The following PPP2R1A variants were observed in gnomAD, a reference collection of about 807,000 sequenced individuals.
PPP2R1A encodes the protein serine/threonine-protein phosphatase 2A 65 kDa regulatory subunit A alpha isoform.
A neutral mutation model predicts 67.1 loss-of-function variants in PPP2R1A; 15 were observed. The observed-to-expected ratio is 0.22, with a 90% CI of 0.15 to 0.34. The LOEUF (loss-of-function observed/expected upper bound fraction) is 0.34. Among genes scored for constraint, PPP2R1A ranks in the 10% least tolerant of loss-of-function variants. The pLI, the probability that PPP2R1A is intolerant of heterozygous loss-of-function variation, is 1.00. For synonymous variants in PPP2R1A, 337 were observed against 325.0 expected, an observed-to-expected ratio of 1.04 and a Z score of -0.40; for missense variants, 369 against 775.0, an observed-to-expected ratio of 0.48 and a Z score of 6.22.
In PPP2R1A at chr19:52,219,648, G is replaced by A. The variant is rs770681244; in HGVS notation, c.1129-43G>A. ...TCTTTCCATCCTGTCCTGGGTTGCT[G>A]TGTGCATTGCATTCTCTCAGAATCC... On this transcript the variant is annotated intron_variant, in intron 9 of 14. Transcript: ENST00000322088. The surrounding 1 kb of genome is among the most constrained non-coding windows in gnomAD (Gnocchi z 4.0). The A allele has an allele frequency of 1.9e-6, 3 of 1,562,572 alleles. No homozygotes were observed. The East Asian group carries it at 6.8e-5, about 35-fold the overall frequency.
intron 2 of PPP2R1A, among the ~76,000 whole-genome samples, chr19:52,204,017 C>T (rs947005550): frequency 6.6e-6 from 1 of 152,174 alleles, no homozygotes; most frequent in Non-Finnish European, 1.5e-5. Flanking sequence ...TGTGTTTCAC[C>T]ATCTGGAAGC....
At position 52,226,956 on chromosome 19, in the gene PPP2R1A, G is replaced by A. The variant is rs1192903882; in HGVS notation, c.*975G>A. On this transcript the variant is annotated 3_prime_UTR_variant, in exon 15 of 15. Transcript: ENST00000322088. ...GGCCATTTCCTGTGTTCTTGAAGAA[G>A]ACTTGGGCTTGGACCCTGTCCCCAG... is the stretch of plus-strand genomic sequence containing the variant. The A allele has an allele frequency of 6.6e-6, 1 of 152,198 alleles. No homozygotes were observed. The highest frequency in any genetic ancestry group is 2.1e-4 in the South Asian group (1 of 4,820). The allele number at this position is 152,198 out of a possible 1,614,324, so 9.4% of individuals were successfully genotyped here.
chr19:52,194,077 G>T (rs1464061668), intron 1 of PPP2R1A, among the ~76,000 whole-genome samples: 1 of 99,494 alleles, frequency 1.0e-5, no homozygotes, highest in Non-Finnish European at 1.9e-5. Context: ...GCGACAGCAA[G>T]ACCCTGTCTC....
intron 3 of PPP2R1A, among the ~76,000 whole-genome samples, chr19:52,208,778 C>T (rs1227427310): frequency 2.0e-5 from 3 of 152,088 alleles, no homozygotes; most frequent in African/African-American, 7.2e-5. Context: ...GGATTACAGG[C>T]GTGAGCCACC....
chr19:52,205,606 T>C (rs1422533720), intron 2 of PPP2R1A, among the ~76,000 whole-genome samples: 1 of 152,222 alleles, frequency 6.6e-6, no homozygotes. Flanking sequence ...TCGTTGACCA[T>C]GCTCTGCGCT....
rs1435270311 is a variant in PPP2R1A, at chr19:52,206,039, C to A, written c.246C>A (p.Gly82=). The change falls in exon 3 of 15, where the codon GGC becomes GGA. Residue 82 remains glycine, a synonymous_variant. Transcript: ENST00000322088. The stretch of plus-strand genomic sequence containing the variant: ...GAACCTTCACTACCCTGGTGGGAGG[C>A]CCAGAGTACGTGCACTGCCTGCTGG... ...QLGTFTTLVG[G]PEYVHCLLPP... is the part of the protein sequence containing the mutation. The A allele has an allele frequency of 6.2e-7, 1 of 1,614,136 alleles. No homozygotes were observed. Among genetic ancestry groups the A allele is most frequent in the South Asian group, 1.1e-5 (1 of 91,086 alleles).
chr19:52,225,892 G>T (rs1197740909), intron 14 of PPP2R1A, 73 bp from the exon 15 acceptor site: 1 of 1,613,140 alleles, frequency 6.2e-7, no homozygotes, highest in Admixed American at 1.7e-5. Flanking sequence ...GCTTCTGGGA[G>T]GGGGAGGTAC....
At chr19:52,199,657 G>A (rs1043854241) in intron 1 of PPP2R1A, among the ~76,000 whole-genome samples, 13 of 152,130 alleles carry the variant, frequency 8.5e-5, no homozygotes, top group African/African-American at 2.4e-4. Flanking sequence ...TCAGTGCCAC[G>A]CAAGCAGAGT....
chr19:52,214,391 A>G (rs953966886), intron 6 of PPP2R1A, among the ~76,000 whole-genome samples: 16 of 152,136 alleles, frequency 1.1e-4, no homozygotes, highest in African/African-American at 3.4e-4. Context: ...GCGTACCATC[A>G]CCACAGTTAG....
chr19:52,217,849 G>T lies in PPP2R1A; in HGVS notation c.1128+1186G>T, dbSNP rs145025341. Among the ~76,000 whole-genome samples, 4 of 152,198 alleles carry T rather than the reference G, an allele frequency of 2.6e-5. No homozygotes were observed. In the East Asian group the frequency reaches 7.8e-4, roughly 30 times the overall value. On this transcript the variant is annotated intron_variant, in intron 9 of 14. Coordinates refer to ENST00000322088, the MANE Select transcript of PPP2R1A (RefSeq NM_014225.6). ...GGTGATGACTGGAGAGATCATCAGGGTGACCACTGGGGAAGGAGTTTGGAC... is the reference window on the plus strand; with the variant it reads ...GGTGATGACTGGAGAGATCATCAGGTTGACCACTGGGGAAGGAGTTTGGAC...
chr19:52,225,840 G>T, intron 14 of PPP2R1A, 32 bp downstream of exon 14: 1 of 1,612,504 alleles, frequency 6.2e-7, no homozygotes, highest in Non-Finnish European at 8.5e-7. Context: ...GCCCTAGCAG[G>T]AGGGTGGACT....
At chr19:52,225,872 G>A in intron 14 of PPP2R1A, 64 bp downstream of exon 14, 2 of 1,612,662 alleles carry the variant, frequency 1.2e-6, no homozygotes, top group East Asian at 2.2e-5. Context: ...CACTGGGCCT[G>A]TGGGCAGCAG....
chr19:52,206,106 C>T lies in PPP2R1A; in HGVS notation c.270+43C>T, dbSNP rs79903639. Reference sequence around the variant, plus strand: ...AGTCCTCTTGCCCACCCCTTAGGGTCGGCCCATGGTCCTGCCGGCCTAGGG... The same window carrying T: ...AGTCCTCTTGCCCACCCCTTAGGGTTGGCCCATGGTCCTGCCGGCCTAGGG... On this transcript the variant is annotated intron_variant, in intron 3 of 14. Coordinates refer to ENST00000322088, the MANE Select transcript of PPP2R1A (RefSeq NM_014225.6). The T allele has an allele frequency of 2.7e-3, 4,218 of 1,559,738 alleles. 104 individuals carry two copies. The African/African-American group carries it at 0.05, about 18-fold the overall frequency.
chr19:52,192,112 C>T (rs1208321247), intron 1 of PPP2R1A, among the ~76,000 whole-genome samples: 2 of 151,884 alleles, frequency 1.3e-5, no homozygotes, highest in African/African-American at 2.4e-5. Context: ...CAGGGGAGGC[C>T]TTGTTGAGAT....
intron 1 of PPP2R1A, among the ~76,000 whole-genome samples, chr19:52,190,658 C>G (rs1047230599): frequency 6.6e-6 from 1 of 152,176 alleles, no homozygotes; most frequent in Non-Finnish European, 1.5e-5. Flanking sequence ...GCCTGCCATC[C>G]TAATTCCTGC....
In PPP2R1A at chr19:52,213,629, C is replaced by G. The variant is rs959780299; in HGVS notation, c.807+519C>G. ...TCCTGAGGGACTGGGATTACAGATG[C>G]CCACCACGACACCCGGCTAGTTTTT... On this transcript the variant is annotated intron_variant, in intron 6 of 14. Coordinates refer to ENST00000322088, the MANE Select transcript of PPP2R1A (RefSeq NM_014225.6). The surrounding 1 kb of genome is among the most constrained non-coding windows in gnomAD (Gnocchi z 4.2). Among the ~76,000 whole-genome samples, 55 of 151,636 alleles carry G rather than the reference C, an allele frequency of 3.6e-4. No homozygotes were observed. Among genetic ancestry groups the G allele is most frequent in the African/African-American group, 1.2e-3 (51 of 41,272 alleles).
At chr19:52,223,462 G>A (rs1252088029) in intron 13 of PPP2R1A, among the ~76,000 whole-genome samples, 2 of 152,184 alleles carry the variant, frequency 1.3e-5, no homozygotes, top group Non-Finnish European at 2.9e-5. Flanking sequence ...CCACTGACTG[G>A]AGGAAGATGT....
Position 52,221,127 on chromosome 19 carries a change from C to T in PPP2R1A, c.1512C>T (p.Cys504=). Residue 504 remains cysteine, a synonymous_variant, in exon 12 of 15, where the codon TGC becomes TGT. Coordinates refer to ENST00000322088, the MANE Select transcript of PPP2R1A (RefSeq NM_014225.6). ...NYLHRMTTLF[C]INVLSEVCGQ... Reference sequence around the variant, plus strand: ...TGCACCGCATGACTACGCTCTTCTGCATCAATGTGAGCCTTCCACCTGCCT... The same window carrying T: ...TGCACCGCATGACTACGCTCTTCTGTATCAATGTGAGCCTTCCACCTGCCT... 2 of 1,614,202 alleles carry T rather than the reference C, an allele frequency of 1.2e-6. No homozygotes were observed. The highest frequency in any genetic ancestry group is 1.7e-6 in the Non-Finnish European group (2 of 1,180,008).
At position 52,197,137 on chromosome 19, in the gene PPP2R1A, T is replaced by A. The variant is rs951061432; in HGVS notation, c.79-4807T>A. Among the ~76,000 whole-genome samples the A allele has an allele frequency of 3.3e-5, 5 of 150,008 alleles. No homozygotes were observed. In the East Asian group the frequency reaches 9.6e-4, roughly 29 times the overall value. ...GATGGCAAAAATAACATCTTTATTT[T>A]CATTAACCTTTAACTTACATTTAAC... On this transcript the variant is annotated intron_variant, in intron 1 of 14. Coordinates refer to ENST00000322088, the MANE Select transcript of PPP2R1A (RefSeq NM_014225.6).
Sources: allele counts gnomAD v4.1 joint callset (sites outside exome capture counted in the v4.1 genomes callset), GRCh38; gene constraint gnomAD v4.1.1; non-coding constraint Gnocchi (gnomAD v3.1); transcripts MANE v1.5; gene names NCBI Gene and HGNC (gene_info 2026-07-23, HGNC 2026-07-21).